SKAP1: variants seen among roughly 807,000 people sequenced by gnomAD.
SKAP1 encodes the protein src kinase associated phosphoprotein 1.
SKAP1 carries 44 observed loss-of-function variants against 58.5 expected under a neutral mutation model. That is an observed-to-expected ratio of 0.75 (90% CI 0.59 to 0.97). The LOEUF is 0.97. SKAP1 is among the 50% of genes least tolerant of loss of function. The pLI is 0.00. For missense variants in SKAP1, 390 were observed against 435.2 expected (o/e 0.90, Z 0.92); for synonymous variants, 127 against 149.7 (o/e 0.85, Z 1.11).
chr17:48,269,317 CAAA>C (rs2065596814), intron 4 of SKAP1, among the ~76,000 whole-genome samples: 1 of 151,098 alleles, frequency 6.6e-6, no homozygotes, highest in Non-Finnish European at 1.5e-5. Context: ...GAAAAAAAAA[CAAA>C]AAATAACTTC....
intron 4 of SKAP1, among the ~76,000 whole-genome samples, chr17:48,290,813 A>T (rs1326184979): frequency 6.6e-6 from 1 of 152,222 alleles, no homozygotes; most frequent in Non-Finnish European, 1.5e-5. Context: ...AATTTTAAAT[A>T]TTCAAAGAAA....
At chr17:48,138,495 G>A (rs1382280552) in intron 11 of SKAP1, among the ~76,000 whole-genome samples, 6 of 151,338 alleles carry the variant, frequency 4.0e-5, no homozygotes, top group Admixed American at 2.0e-4. Flanking sequence ...TCAGCCTCCC[G>A]ATTAGCTGGG....
intron 9 of SKAP1, among the ~76,000 whole-genome samples, chr17:48,176,026 C>T (rs887602971): frequency 1.3e-5 from 2 of 152,106 alleles, no homozygotes; most frequent in African/African-American, 4.8e-5. Context: ...TCACTGTTCC[C>T]CCTTCCTGTG....
the SKAP1 span, among the ~76,000 whole-genome samples, chr17:48,436,352 G>A: frequency 3.3e-5 from 5 of 152,146 alleles, no homozygotes; most frequent in Admixed American, 1.3e-4. Flanking sequence ...GATTACAGGC[G>A]TGAGCCACCG....
At chr17:48,416,041 C>T (rs186213000) in intron 1 of SKAP1, among the ~76,000 whole-genome samples, 13 of 152,254 alleles carry the variant, frequency 8.5e-5, no homozygotes, top group African/African-American at 2.9e-4. Flanking sequence ...AATAGGTTGG[C>T]CTGCAAATCA....
At chr17:48,243,721 T>TAA in intron 4 of SKAP1, among the ~76,000 whole-genome samples, 1 of 152,058 alleles carries the variant, frequency 6.6e-6, no homozygotes, top group East Asian at 1.9e-4. Context: ...AATATATATA[T>TAA]AAAACAGGCT....
chr17:48,435,273 G>C (rs978388911), upstream of SKAP1, among the ~76,000 whole-genome samples: 1 of 147,204 alleles, frequency 6.8e-6, no homozygotes, highest in African/African-American at 2.5e-5. Context: ...GACCACATTA[G>C]ATATCCCCGT....
chr17:48,193,457 G>A (rs1157140742), intron 4 of SKAP1, among the ~76,000 whole-genome samples: 3 of 151,988 alleles, frequency 2.0e-5, no homozygotes, highest in Non-Finnish European at 4.4e-5. Context: ...AATGTCTACG[G>A]AAAAAAAATT....
At chr17:48,411,351 A>G (rs2067662730) in intron 1 of SKAP1, among the ~76,000 whole-genome samples, 1 of 152,216 alleles carries the variant, frequency 6.6e-6, no homozygotes, top group Non-Finnish European at 1.5e-5. Flanking sequence ...GTGAGCCGAC[A>G]TCACGCCACT....
At chr17:48,192,070 A>G (rs1486116923) in intron 4 of SKAP1, among the ~76,000 whole-genome samples, 3 of 152,020 alleles carry the variant, frequency 2.0e-5, no homozygotes, top group African/African-American at 7.2e-5. Flanking sequence ...AGTCCCAGCT[A>G]CTTGGAGGCT....
chr17:48,291,389 G>A (rs906327230), intron 4 of SKAP1, among the ~76,000 whole-genome samples: 1 of 152,124 alleles, frequency 6.6e-6, no homozygotes, highest in Non-Finnish European at 1.5e-5. Flanking sequence ...CCAGACAGCT[G>A]CCTCATCTAT....
At chr17:48,345,008 T>C (rs2066704060) in intron 4 of SKAP1, among the ~76,000 whole-genome samples, 1 of 152,240 alleles carries the variant, frequency 6.6e-6, no homozygotes, top group African/African-American at 2.4e-5. Flanking sequence ...ATAATGTGTT[T>C]CCAATTTGAT....
intron 4 of SKAP1, among the ~76,000 whole-genome samples, chr17:48,242,172 G>T (rs1205557869): frequency 6.6e-6 from 1 of 152,218 alleles, no homozygotes; most frequent in Non-Finnish European, 1.5e-5. Flanking sequence ...CTGGCATCTG[G>T]CTTCCAGCAG....
chr17:48,315,467 C>T (rs1274985512), intron 4 of SKAP1, among the ~76,000 whole-genome samples: 1 of 152,062 alleles, frequency 6.6e-6, no homozygotes, highest in African/African-American at 2.4e-5. Flanking sequence ...AAAGAAAAGA[C>T]GTTGGAAGCC....
intron 12 of SKAP1, among the ~76,000 whole-genome samples, chr17:48,135,049 T>C (rs959273865): frequency 1.3e-5 from 2 of 152,184 alleles, no homozygotes; most frequent in African/African-American, 4.8e-5. Context: ...CCCTCTATAC[T>C]TGTGGCCATG....
chr17:48,442,505 T>C, the SKAP1 span, among the ~76,000 whole-genome samples: 1 of 152,138 alleles, frequency 6.6e-6, no homozygotes, highest in African/African-American at 2.4e-5. Flanking sequence ...CTATACTTGG[T>C]GTTACATTTT....
the SKAP1 span, among the ~76,000 whole-genome samples, chr17:48,437,697 G>A: frequency 5.2e-5 from 7 of 133,936 alleles, no homozygotes; most frequent in Admixed American, 8.2e-5. Context: ...AGCTGAGATC[G>A]TGTCACTGCA....
chr17:48,375,536 A>G (rs1211624236), intron 2 of SKAP1, among the ~76,000 whole-genome samples: 1 of 152,170 alleles, frequency 6.6e-6, no homozygotes, highest in East Asian at 1.9e-4. Context: ...TCTGATTGCA[A>G]CACTGGAAAC....
intron 4 of SKAP1, among the ~76,000 whole-genome samples, chr17:48,306,296 G>T (rs140547009): frequency 6.6e-6 from 1 of 151,850 alleles, no homozygotes; most frequent in African/African-American, 2.4e-5. Context: ...ATTAACTCTT[G>T]TACATTACCA....
Sources: allele counts gnomAD v4.1 joint callset (sites outside exome capture counted in the v4.1 genomes callset), GRCh38; gene constraint gnomAD v4.1.1; transcripts MANE v1.5; gene names NCBI Gene and HGNC (gene_info 2026-07-23, HGNC 2026-07-21).